NRSN2: variants seen among roughly 807,000 people sequenced by gnomAD.
NRSN2 encodes the protein neurensin-2.
In NRSN2, 10 loss-of-function variants were observed where a neutral mutation model predicts 11.1. The ratio of observed to expected loss-of-function variants is 0.90; its 90% CI spans 0.56 to 1.53. The LOEUF is 1.53. Ranked by LOEUF, NRSN2 falls within the 40% of genes most tolerant of loss-of-function variation. The pLI, the probability that NRSN2 is intolerant of heterozygous loss-of-function variation, is 0.00. For missense variants in NRSN2, 260 were observed against 273.7 expected (o/e 0.95, Z 0.35); for synonymous variants, 100 against 117.0 (o/e 0.86, Z 0.94).
At position 347,568 on chromosome 20, in the gene NRSN2, T is replaced by TC. The variant is rs1174398422; in HGVS notation, c.-122+63dup. 3 of 149,938 alleles carry TC rather than the reference T, an allele frequency of 2.0e-5. No individual in the cohort carries two copies. Among genetic ancestry groups the TC allele is most frequent in the East Asian group, 4.0e-4 (2 of 4,968 alleles). The allele number at this position is 149,938 out of a possible 1,614,324, so 9.3% of individuals were successfully genotyped here. ...TTCCCCGGCCGACACCCCCTACCCA[T>TC]CCCCCCCGGGAGGGCGCCCCTTCTC... On this transcript the variant is annotated intron_variant, in intron 2 of 4. Coordinates refer to ENST00000382285, the MANE Select transcript of NRSN2 (RefSeq NM_001323682.2). The surrounding 1 kb of genome is among the most constrained non-coding windows in gnomAD (Gnocchi z 7.0).
At chr20:351,435 G>A (rs1185766332) in intron 4 of NRSN2, among the ~76,000 whole-genome samples, 1 of 152,128 alleles carries the variant, frequency 6.6e-6, no homozygotes, top group African/African-American at 2.4e-5. Context: ...TCAAGAGGCT[G>A]AGCCAGGAGG....
chr20:353,332 G>A lies in NRSN2; in HGVS notation c.312G>A (p.Arg104=), dbSNP rs754218832. ...GEGEFLVLDQ[R]AADYNQALGT... ...GTGAGTTCCTGGTGTTGGATCAGCG[G>A]GCAGCCGACTACAACCAGGCCCTGG... is the stretch of plus-strand genomic sequence containing the variant. The change falls in exon 5 of 5, where the codon CGG becomes CGA. Residue 104 remains arginine (R), a synonymous_variant. Transcript: ENST00000382285. The A allele has an allele frequency of 2.5e-6, 4 of 1,614,058 alleles. No homozygotes were observed. The South Asian group carries it at 4.4e-5, about 18-fold the overall frequency.
Position 347,688 on chromosome 20 carries a change from T to A in NRSN2, c.-122+176T>A, listed in dbSNP as rs926291959. Reference sequence around the variant, plus strand: ...GGCTGTGCAGAGGCGACAGATTCCGTCCATCTTCGGGCCCTGGCTTCCGTC... The same window carrying A: ...GGCTGTGCAGAGGCGACAGATTCCGACCATCTTCGGGCCCTGGCTTCCGTC... On this transcript the variant is annotated intron_variant, in intron 2 of 4. Coordinates refer to ENST00000382285, the MANE Select transcript of NRSN2 (RefSeq NM_001323682.2). The surrounding 1 kb of genome is among the most constrained non-coding windows in gnomAD (Gnocchi z 7.0). Among the ~76,000 whole-genome samples the A allele has an allele frequency of 1.3e-5, 2 of 151,850 alleles. No individual in the cohort carries two copies. Among genetic ancestry groups the A allele is most frequent in the Non-Finnish European group, 2.9e-5 (2 of 67,944 alleles).
intron 4 of NRSN2, among the ~76,000 whole-genome samples, chr20:350,523 C>T (rs889742978): frequency 2.7e-5 from 4 of 149,798 alleles, no homozygotes; most frequent in African/African-American, 9.8e-5. Flanking sequence ...TGGCAGGCGC[C>T]TGTAATCCCA....
chr20:350,095 T>G (rs1422419653), intron 4 of NRSN2, among the ~76,000 whole-genome samples: 1 of 152,068 alleles, frequency 6.6e-6, no homozygotes, highest in Non-Finnish European at 1.5e-5. Context: ...ATCCCAGCAC[T>G]TTGGGAGGCT....
chr20:348,776 C>T (rs1407440084), intron 2 of NRSN2, among the ~76,000 whole-genome samples: 1 of 151,802 alleles, frequency 6.6e-6, no homozygotes, highest in Non-Finnish European at 1.5e-5. Flanking sequence ...CCAACACCTC[C>T]TGGCTTTGGT....
In NRSN2 at chr20:354,552, G is replaced by T. The variant is rs1448429195; in HGVS notation, c.*917G>T. On this transcript the variant is annotated 3_prime_UTR_variant, in exon 5 of 5. Coordinates refer to ENST00000382285, the MANE Select transcript of NRSN2 (RefSeq NM_001323682.2). Reference sequence around the variant, plus strand: ...CCACCTACCTAGAAACCAAGCCCACGGTCTTGGCCGTGACCCTGATAATAA... The same window carrying T: ...CCACCTACCTAGAAACCAAGCCCACTGTCTTGGCCGTGACCCTGATAATAA... 6.6e-6 allele frequency: 1 copy of T among 152,162 alleles called. No homozygotes were observed. Among genetic ancestry groups the T allele is most frequent in the Non-Finnish European group, 1.5e-5 (1 of 68,046 alleles). The allele number at this position is 152,162 out of a possible 1,614,324, so 9.4% of individuals were successfully genotyped here.
At chr20:349,400 T>C in intron 3 of NRSN2, 37 bp downstream of exon 3, 1 of 413,484 alleles carries the variant, frequency 2.4e-6, no homozygotes. Context: ...TGCACATTTA[T>C]TGACACCTCC....
At chr20:349,969 T>C in intron 4 of NRSN2, 137 bp downstream of exon 4, 3 of 639,798 alleles carry the variant, frequency 4.7e-6, no homozygotes, top group Non-Finnish European at 7.5e-6. Flanking sequence ...GAAAACCCAA[T>C]TCAAATGGGT....
In NRSN2 at chr20:353,537, A is replaced by G. The variant is rs770367580; in HGVS notation, c.517A>G (p.Ile173Val). 6.2e-7 allele frequency: 1 copy of G among 1,613,896 alleles called. No homozygotes were observed. Among genetic ancestry groups the G allele is most frequent in the Non-Finnish European group, 8.5e-7 (1 of 1,179,978 alleles). ...GDEPEQQLSP[I>V]FRNASGQSWF... ...TGAGCCAGAGCAGCAGTTGTCACCC[A>G]TTTTCCGCAATGCCAGTGGCCAGTC... is the stretch of plus-strand genomic sequence containing the variant. The change falls in exon 5 of 5, where the codon ATT becomes GTT. Residue 173 changes from isoleucine to valine, a missense_variant. Coordinates refer to ENST00000382285, the MANE Select transcript of NRSN2 (RefSeq NM_001323682.2).
At chr20:350,660 AAAAAAAAAAAAAAAAAG>A (rs561985206) in intron 4 of NRSN2, among the ~76,000 whole-genome samples, 11,088 of 139,662 alleles carry the variant, frequency 0.079, 616 homozygotes, top group Non-Finnish European at 0.093. Flanking sequence ...AAAAAAAAAA[AAAAAAAAAAAAAAAAAG>A]AAAAAAGAAG....
At position 349,313 on chromosome 20, in the gene NRSN2, G is replaced by A; in HGVS notation, c.-57G>A. ...TAAGGTCACGCCTCCAGGAAGCAGT[G>A]TGTCCACGACTCCAGTCCAAGTGGT... On this transcript the variant is annotated 5_prime_UTR_variant, in exon 3 of 5. The change creates a new upstream start codon in the 5' untranslated region. Coordinates refer to ENST00000382285, the MANE Select transcript of NRSN2 (RefSeq NM_001323682.2). The A allele has an allele frequency of 4.4e-6, 1 of 227,262 alleles. No individual in the cohort carries two copies. Among genetic ancestry groups the A allele is most frequent in the East Asian group, 9.5e-5 (1 of 10,534 alleles). The allele number at this position is 227,262 out of a possible 1,614,324, so 14.1% of individuals were successfully genotyped here.
At position 353,696 on chromosome 20, in the gene NRSN2, CT is replaced by C; in HGVS notation, c.*62del. 6.6e-7 allele frequency: 1 copy of C among 1,518,984 alleles called. No homozygotes were observed. The highest frequency in any genetic ancestry group is 2.0e-5 in the Admixed American group (1 of 48,794). The allele number at this position is 1,518,984 out of a possible 1,614,324, so 94.1% of individuals were successfully genotyped here. ...CTTCCCCCCTTCTCACCATAACCCC[CT>C]CTCAGTGTTTCCCCAACTTCTCCCT... On this transcript the variant is annotated 3_prime_UTR_variant, in exon 5 of 5. Transcript: ENST00000382285.
chr20:353,847 C>T lies in NRSN2; in HGVS notation c.*212C>T. ...CAGCATTCCTCAAGTCCTCCCAAAA[C>T]TTCCTACCCACACCCTCTTCCCAAG... On this transcript the variant is annotated 3_prime_UTR_variant, in exon 5 of 5. Coordinates refer to ENST00000382285, the MANE Select transcript of NRSN2 (RefSeq NM_001323682.2). 1.7e-6 allele frequency: 1 copy of T among 574,262 alleles called. No homozygotes were observed. The highest frequency in any genetic ancestry group is 2.3e-5 in the South Asian group (1 of 43,046). The allele number at this position is 574,262 out of a possible 1,614,324, so 35.6% of individuals were successfully genotyped here.
rs1455932423 is a variant in NRSN2 at position 347,817 on chromosome 20, C to T, written c.-122+305C>T. Among the ~76,000 whole-genome samples, 1 of 152,100 alleles carries T rather than the reference C, an allele frequency of 6.6e-6. No homozygotes were observed. Among genetic ancestry groups the T allele is most frequent in the Non-Finnish European group, 1.5e-5 (1 of 67,992 alleles). On this transcript the variant is annotated intron_variant, in intron 2 of 4. Coordinates refer to ENST00000382285, the MANE Select transcript of NRSN2 (RefSeq NM_001323682.2). The surrounding 1 kb of genome is among the most constrained non-coding windows in gnomAD (Gnocchi z 7.0). ...CCTCCCGCTCCCCTCCCACCGAGCT[C>T]CTCCCGGCTCCCGGGCTGGGGACGC...
intron 2 of NRSN2, 34 bp from the exon 3 acceptor site, chr20:349,215 T>C (rs1371778328): frequency 1.9e-5 from 3 of 158,486 alleles, no homozygotes; most frequent in African/African-American, 7.2e-5. Flanking sequence ...AGTAACTGTA[T>C]GAAAGAAGTA....
chr20:352,581 T>C (rs572053590), intron 4 of NRSN2, among the ~76,000 whole-genome samples: 4 of 152,360 alleles, frequency 2.6e-5, no homozygotes, highest in African/African-American at 9.6e-5. Flanking sequence ...CGAGGAACTC[T>C]TTTAGCTGTG....
chr20:349,164 A>G (rs982682885), intron 2 of NRSN2, 85 bp from the exon 3 acceptor site: 1 of 152,648 alleles, frequency 6.6e-6, no homozygotes, highest in Non-Finnish European at 1.5e-5. Context: ...AAAAAATTAC[A>G]GTACTAATCA....
At position 347,276 on chromosome 20, in the gene NRSN2, G is replaced by A. The variant is rs1044372164; in HGVS notation, c.-201+134G>A. The A allele has an allele frequency of 6.6e-6, 1 of 152,630 alleles. No individual in the cohort carries two copies. Among genetic ancestry groups the A allele is most frequent in the Non-Finnish European group, 1.5e-5 (1 of 68,452 alleles). The allele number at this position is 152,630 out of a possible 1,614,324, so 9.5% of individuals were successfully genotyped here. A position where few individuals can be genotyped will look rare whatever the true frequency, so the allele number is the denominator to read the frequency against. On this transcript the variant is annotated intron_variant, in intron 1 of 4. Coordinates refer to ENST00000382285, the MANE Select transcript of NRSN2 (RefSeq NM_001323682.2). This position sits in a 1 kb window ranked among gnomAD's most constrained non-coding sequence, Gnocchi z 7.0. Reference sequence around the variant, plus strand: ...ACCTTTGCGCCTGAGCCTCGGCTTTGGGAGGTGGGGGTCCCAGGGAAGCAG... The same window carrying A: ...ACCTTTGCGCCTGAGCCTCGGCTTTAGGAGGTGGGGGTCCCAGGGAAGCAG...
Sources: gnomAD v4.1 joint callset for allele counts (sites outside exome capture counted in the v4.1 genomes callset) on GRCh38, gnomAD v4.1.1 for gene constraint, Gnocchi (gnomAD v3.1) non-coding constraint, MANE v1.5 for transcripts, NCBI Gene and HGNC (gene_info 2026-07-23, HGNC 2026-07-21) for gene names.